Variants in EML5 observed in about 807,000 individuals in gnomAD.
The protein encoded by EML5 is echinoderm microtubule-associated protein-like 5.
In EML5, 120 loss-of-function variants were observed where a neutral mutation model predicts 250.0. That is an observed-to-expected ratio of 0.48 (90% CI 0.41 to 0.56). The LOEUF (loss-of-function observed/expected upper bound fraction) is 0.56, where lower values mean the gene tolerates loss of function less well. Among genes scored for constraint, EML5 ranks in the 20% least tolerant of loss-of-function variants. The pLI, the probability that EML5 is intolerant of heterozygous loss-of-function variation, is 0.00. For missense variants in EML5, 2,006 were observed against 2,437.6 expected (o/e 0.82, Z 3.73); for synonymous variants, 771 against 806.5 (o/e 0.96, Z 0.75).
At chr14:88,647,552 C>T (rs1567058645) in intron 28 of EML5, among the ~76,000 whole-genome samples, 2 of 151,414 alleles carry the variant, frequency 1.3e-5, no homozygotes. Flanking sequence ...CAACAATTAG[C>T]CAGGCCTGTG....
chr14:88,691,080 C>A (rs2092947818), intron 17 of EML5, among the ~76,000 whole-genome samples: 1 of 152,192 alleles, frequency 6.6e-6, no homozygotes, highest in African/African-American at 2.4e-5. Context: ...AGAGACTCTG[C>A]TAATGGCAAC....
At chr14:88,668,629 T>C (rs1327977360) in intron 21 of EML5, among the ~76,000 whole-genome samples, 2 of 152,000 alleles carry the variant, frequency 1.3e-5, no homozygotes, top group Non-Finnish European at 2.9e-5. Context: ...GGAGTTCTGC[T>C]ACAAAAGAGG....
chr14:88,711,433 G>A (rs748859098), intron 10 of EML5, among the ~76,000 whole-genome samples: 3 of 88,140 alleles, frequency 3.4e-5, no homozygotes, highest in Admixed American at 1.2e-4. Context: ...AGAAGGTGAA[G>A]GGGAAGCAAG....
In EML5 at chr14:88,792,747, G is replaced by C. The variant is rs866830933; in HGVS notation, c.-244C>G. On this transcript the variant is annotated 5_prime_UTR_variant, in exon 1 of 44. Transcript: ENST00000554922. This position sits in a 1 kb window ranked among gnomAD's most constrained non-coding sequence, Gnocchi z 6.9. ...GAGCGCCGCCGGCTGTCAAGTGGAT[G>C]CCCAGAGCCCTTCGCCCGCCTCGGC... is the stretch of plus-strand genomic sequence containing the variant. The C allele has an allele frequency of 1.3e-3, 1,423 of 1,065,852 alleles. 18 individuals carry two copies. The African/African-American group carries it at 0.022, about 17-fold the overall frequency. The allele number at this position is 1,065,852 out of a possible 1,614,324, so 66.0% of individuals were successfully genotyped here. A position where few individuals can be genotyped will look rare whatever the true frequency, so the allele number is the denominator to read the frequency against.
chr14:88,688,542 C>A (rs2141251215), intron 17 of EML5, 69 bp from the exon 18 acceptor site: 4 of 1,502,294 alleles, frequency 2.7e-6, no homozygotes, highest in Middle Eastern at 1.7e-4. Context: ...AGCAAAGTTT[C>A]TTTTCTACTG....
chr14:88,670,624 G>A (rs1451865230), intron 21 of EML5, among the ~76,000 whole-genome samples: 1 of 152,170 alleles, frequency 6.6e-6, no homozygotes, highest in Non-Finnish European at 1.5e-5. Context: ...ATTTTGCTGA[G>A]CTAAAGGAAC....
chr14:88,700,655 T>C (rs1222865008), intron 14 of EML5, among the ~76,000 whole-genome samples: 3 of 152,126 alleles, frequency 2.0e-5, no homozygotes, highest in African/African-American at 7.2e-5. Flanking sequence ...TAATCACATC[T>C]GTCTACCTGA....
At chr14:88,763,223 T>A (rs2094271914) in intron 1 of EML5, among the ~76,000 whole-genome samples, 1 of 152,152 alleles carries the variant, frequency 6.6e-6, no homozygotes, top group South Asian at 2.1e-4. Flanking sequence ...AGGACCTGTT[T>A]TTTTGAAAAG....
At chr14:88,697,648 AAG>A (rs2093109890) in intron 14 of EML5, among the ~76,000 whole-genome samples, 1 of 152,218 alleles carries the variant, frequency 6.6e-6, no homozygotes, top group Admixed American at 6.5e-5. Context: ...CATAAGCATA[AAG>A]AGATATAATA....
intron 9 of EML5, among the ~76,000 whole-genome samples, chr14:88,713,731 C>A (rs943632021): frequency 4.6e-5 from 7 of 151,570 alleles, no homozygotes; most frequent in Non-Finnish European, 8.8e-5. Flanking sequence ...GCTGGGATTA[C>A]AGGCGTGAGG....
At chr14:88,656,777 A>G (rs2091889048) in intron 27 of EML5, among the ~76,000 whole-genome samples, 1 of 152,184 alleles carries the variant, frequency 6.6e-6, no homozygotes, top group African/African-American at 2.4e-5. Flanking sequence ...AGGCACATGG[A>G]TAGGCAGGCC....
In EML5 at chr14:88,685,139, A is replaced by G. The variant is rs768826238; in HGVS notation, c.2858T>C (p.Leu953Pro). ...TATAGATGGATTATCTTCCAAGAGA[A>G]GACCTGAAATGTTAAATGAAGATGT... ...RAALAPGSKG[L>P]LLEDNPSIRA... Residue 953 changes from leucine to proline, a missense_variant, in exon 20 of 44, where the codon CTT becomes CCT. By Grantham distance (98) the Leu-to-Pro change is moderately conservative. Coordinates refer to ENST00000554922, the MANE Select transcript of EML5 (RefSeq NM_183387.3). 1.9e-6 allele frequency: 3 copies of G among 1,594,260 alleles called. No individual in the cohort carries two copies. The South Asian group carries it at 3.5e-5, about 18-fold the overall frequency.
chr14:88,659,035 T>G (rs967581634), intron 25 of EML5, among the ~76,000 whole-genome samples: 1 of 152,220 alleles, frequency 6.6e-6, no homozygotes, highest in Non-Finnish European at 1.5e-5. Context: ...GCAATACACA[T>G]AGAAATGTAT....
intron 8 of EML5, 72 bp from the exon 9 acceptor site, chr14:88,715,267 TA>T (rs1188523705): frequency 2.2e-6 from 3 of 1,393,988 alleles, no homozygotes; most frequent in Non-Finnish European, 2.9e-6. Flanking sequence ...CAAACATGTC[TA>T]AAATGACCGT....
At position 88,695,220 on chromosome 14, in the gene EML5, T is replaced by C. The variant is rs970260063; in HGVS notation, c.2438+141A>G. 27 of 632,158 alleles carry C rather than the reference T, an allele frequency of 4.3e-5. 1 individual carries two copies. The highest frequency in any genetic ancestry group is 3.1e-4 in the African/African-American group (17 of 54,006). 39.2% of individuals were successfully genotyped at this position (632,158 alleles called of 1,614,324 possible). A position where few individuals can be genotyped will look rare whatever the true frequency, so the allele number is the denominator to read the frequency against. ...TCTGAAATCATTTACTATGATTATA[T>C]TATTTATTCAATGGTAATAAACATG... On this transcript the variant is annotated intron_variant, in intron 16 of 43. Transcript: ENST00000554922.
intron 33 of EML5, among the ~76,000 whole-genome samples, chr14:88,632,187 C>T (rs1294816366): frequency 6.6e-6 from 1 of 152,162 alleles, no homozygotes; most frequent in Non-Finnish European, 1.5e-5. Flanking sequence ...TACGCCCATA[C>T]CCAATTAATC....
rs1221043328 is a variant in EML5, at chr14:88,644,467, G to T, written c.4073C>A (p.Thr1358Lys). 1.2e-6 allele frequency: 2 copies of T among 1,613,744 alleles called. No individual in the cohort carries two copies. Among genetic ancestry groups the T allele is most frequent in the Admixed American group, 3.3e-5 (2 of 60,002 alleles). ...RAPPQPEKLQ[T>K]NNVGKKKRPI... ...TCTCTTTTTCTTGCCTACATTGTTT[G>T]TCTGGAGTTTCTCTGGCTGTGGTGG... is the stretch of plus-strand genomic sequence containing the variant. The change falls in exon 30 of 44, where the codon ACA (threonine) becomes AAA (lysine). Residue 1358 changes from threonine (T) to lysine (K), a missense_variant. By Grantham distance (78) the Thr-to-Lys change is moderately conservative (BLOSUM62 -1). Around this residue, in one of 7 missense-constraint regions of EML5, gnomAD observed 1,375 missense variants for 1,590.3 expected, o/e 0.86. Coordinates refer to ENST00000554922, the MANE Select transcript of EML5 (RefSeq NM_183387.3).
chr14:88,659,234 C>T lies in EML5; in HGVS notation c.3676-846G>A, dbSNP rs551011524. 3.3e-5 allele frequency among the ~76,000 whole-genome samples: 5 copies of T among 150,228 alleles called. No homozygotes were observed. In the East Asian group the frequency reaches 5.9e-4, roughly 18 times the overall value. ...AAATTTGTGAATTCCCTAGGAATGA[C>T]GACTCTCTTTTTTTTTTTTGATACT... On this transcript the variant is annotated intron_variant, in intron 25 of 43. Transcript: ENST00000554922.
At position 88,726,689 on chromosome 14, in the gene EML5, T is replaced by C; in HGVS notation, c.1050-11A>G. 1 of 1,515,620 alleles carries C rather than the reference T, an allele frequency of 6.6e-7. No homozygotes were observed. Among genetic ancestry groups the C allele is most frequent in the Non-Finnish European group, 8.8e-7 (1 of 1,131,340 alleles). The allele number at this position is 1,515,620 out of a possible 1,614,324, so 93.9% of individuals were successfully genotyped here. A position where few individuals can be genotyped will look rare whatever the true frequency, so the allele number is the denominator to read the frequency against. On this transcript the variant is annotated splice_polypyrimidine_tract_variant and intron_variant, in intron 7 of 43. Transcript: ENST00000554922. ...ACTAGGCTCCATATCCTGTAAAATT[T>C]AATTTAAAAAATAAAAAAGGTTAGC...
Sources: gnomAD v4.1 joint callset for allele counts (sites outside exome capture counted in the v4.1 genomes callset) on GRCh38, gnomAD v4.1.1 for gene constraint, gnomAD v4.1.1 regional missense constraint, Gnocchi (gnomAD v3.1) non-coding constraint, MANE v1.5 for transcripts, NCBI Gene and HGNC (gene_info 2026-07-23, HGNC 2026-07-21) for gene names.